The following KIF6 variants were observed in gnomAD, a reference collection of about 807,000 sequenced individuals.
The protein encoded by KIF6 is kinesin-like protein KIF6.
KIF6 carries 106 observed loss-of-function variants against 112.7 expected under a neutral mutation model. The ratio of observed to expected loss-of-function variants is 0.94; its 90% CI spans 0.80 to 1.11. The LOEUF (loss-of-function observed/expected upper bound fraction) is 1.11. Among genes scored for constraint, KIF6 ranks in the 50% least tolerant of loss-of-function variants. KIF6 has a pLI of 0.00. For missense variants in KIF6, 929 were observed against 964.0 expected (o/e 0.96, Z 0.48); for synonymous variants, 339 against 339.9 (o/e 1.00, Z 0.03).
At chr6:39,485,003 G>T (rs1330298216) in intron 13 of KIF6, among the ~76,000 whole-genome samples, 2 of 152,244 alleles carry the variant, frequency 1.3e-5, no homozygotes, top group East Asian at 1.9e-4. Context: ...GCAATTCATT[G>T]TCATCTCCCC....
chr6:39,626,305 G>A (rs1215264788), intron 5 of KIF6, among the ~76,000 whole-genome samples: 1 of 152,128 alleles, frequency 6.6e-6, no homozygotes, highest in Non-Finnish European at 1.5e-5. Flanking sequence ...TGCACCAGAT[G>A]GGGCTGAAAT....
rs1179997261 is a variant in KIF6 at position 39,454,834 on chromosome 6, C to T, written c.1646-23673G>A. 4.6e-5 allele frequency among the ~76,000 whole-genome samples: 7 copies of T among 152,250 alleles called. No individual in the cohort carries two copies. In the East Asian group the frequency reaches 7.7e-4, roughly 17 times the overall value. On this transcript the variant is annotated intron_variant, in intron 13 of 22. Transcript: ENST00000287152. Reference sequence around the variant, plus strand: ...GACCGGCTTAAAAAACGGCGCACCACGAGACTATATCCCACACCTGGCTCG... The same window carrying T: ...GACCGGCTTAAAAAACGGCGCACCATGAGACTATATCCCACACCTGGCTCG...
At chr6:39,493,198 C>A (rs1775573190) in intron 13 of KIF6, among the ~76,000 whole-genome samples, 2 of 152,190 alleles carry the variant, frequency 1.3e-5, no homozygotes, top group South Asian at 4.1e-4. Context: ...AGAAACTATT[C>A]ATGCATGATA....
intron 13 of KIF6, among the ~76,000 whole-genome samples, chr6:39,506,575 C>T (rs1285806940): frequency 2.0e-5 from 3 of 152,148 alleles, no homozygotes; most frequent in Non-Finnish European, 4.4e-5. Context: ...GTTCCTGACA[C>T]AGAGCTCCTA....
intron 15 of KIF6, among the ~76,000 whole-genome samples, chr6:39,404,836 G>A (rs1590760): frequency 6.6e-6 from 1 of 151,134 alleles, no homozygotes; most frequent in Non-Finnish European, 1.5e-5. Context: ...TGTCTTTTTT[G>A]ATTTTTTTTA....
At chr6:39,579,973 A>C (rs1272454748) in intron 9 of KIF6, among the ~76,000 whole-genome samples, 1 of 151,914 alleles carries the variant, frequency 6.6e-6, no homozygotes, top group Non-Finnish European at 1.5e-5. Context: ...TCCAAAATAG[A>C]CTTGGCTATT....
chr6:39,526,947 G>A (rs1427320913), intron 13 of KIF6, among the ~76,000 whole-genome samples: 1 of 152,182 alleles, frequency 6.6e-6, no homozygotes, highest in Non-Finnish European at 1.5e-5. Flanking sequence ...AAGCTGGAAA[G>A]AACCTTAGAA....
At chr6:39,449,121 C>T (rs1340916344) in intron 13 of KIF6, among the ~76,000 whole-genome samples, 8 of 152,186 alleles carry the variant, frequency 5.3e-5, no homozygotes, top group Admixed American at 5.2e-4. Flanking sequence ...GCCATTTCTT[C>T]TCTGGACTGT....
chr6:39,575,474 G>T (rs916299153), intron 10 of KIF6, among the ~76,000 whole-genome samples: 1 of 152,106 alleles, frequency 6.6e-6, no homozygotes, highest in East Asian at 1.9e-4. Flanking sequence ...GTTTCACCAT[G>T]TTGGCCAGGA....
At chr6:39,503,921 A>T (rs1456681960) in intron 13 of KIF6, among the ~76,000 whole-genome samples, 2 of 152,106 alleles carry the variant, frequency 1.3e-5, no homozygotes, top group Non-Finnish European at 2.9e-5. Context: ...GAATTCTCCT[A>T]GAGGTACAAA....
intron 3 of KIF6, among the ~76,000 whole-genome samples, chr6:39,641,164 A>G (rs1418825884): frequency 6.6e-6 from 1 of 152,154 alleles, no homozygotes; most frequent in Non-Finnish European, 1.5e-5. Flanking sequence ...GATATATGAT[A>G]TTTCTTGGCC....
At chr6:39,503,000 T>C (rs985464000) in intron 13 of KIF6, among the ~76,000 whole-genome samples, 15 of 152,168 alleles carry the variant, frequency 9.9e-5, no homozygotes, top group Admixed American at 2.0e-4. Context: ...CTGATAGATA[T>C]CTACAGAACT....
At chr6:39,565,259 A>ATTTACT (rs1780220733) in intron 10 of KIF6, among the ~76,000 whole-genome samples, 1 of 152,190 alleles carries the variant, frequency 6.6e-6, no homozygotes, top group Non-Finnish European at 1.5e-5. Context: ...CATTTTGTAT[A>ATTTACT]TGATCATTTA....
At chr6:39,545,545 C>T (rs1243398418) in intron 11 of KIF6, 38 bp downstream of exon 11, 2 of 1,496,512 alleles carry the variant, frequency 1.3e-6, no homozygotes, top group Non-Finnish European at 9.3e-7. Context: ...TTGAACATGG[C>T]TGAAAATGGC....
At chr6:39,704,949 GTA>G (rs1789109452) in intron 3 of KIF6, among the ~76,000 whole-genome samples, 2 of 152,230 alleles carry the variant, frequency 1.3e-5, no homozygotes, top group South Asian at 4.1e-4. Flanking sequence ...TAGGTCTCAT[GTA>G]TATGAAGCCG....
At chr6:39,570,104 T>C (rs9369128) in intron 10 of KIF6, among the ~76,000 whole-genome samples, 63,681 of 152,152 alleles carry the variant, frequency 0.42, 14,005 homozygotes, top group South Asian at 0.54. Flanking sequence ...GGTTTTATAA[T>C]ACTATGTGTT....
At chr6:39,430,716 A>G (rs906768204) in intron 14 of KIF6, among the ~76,000 whole-genome samples, 4 of 152,348 alleles carry the variant, frequency 2.6e-5, no homozygotes, top group Non-Finnish European at 4.4e-5. Context: ...AATTTGGTCC[A>G]TAGACTTTTT....
At chr6:39,520,180 A>T (rs372242025) in intron 13 of KIF6, among the ~76,000 whole-genome samples, 11 of 152,332 alleles carry the variant, frequency 7.2e-5, no homozygotes, top group African/African-American at 2.6e-4. Context: ...CACAAAAGAA[A>T]AGGGCCAGGA....
chr6:39,590,451 A>ATATATATATAT (rs1338373703), intron 7 of KIF6, among the ~76,000 whole-genome samples: 2 of 84,776 alleles, frequency 2.4e-5, no homozygotes, highest in African/African-American at 1.0e-4. Context: ...ATATATATAT[A>ATATATATATAT]TTTTTTTTTT....
Sources: gnomAD v4.1 joint callset for allele counts (sites outside exome capture counted in the v4.1 genomes callset) on GRCh38, gnomAD v4.1.1 for gene constraint, MANE v1.5 for transcripts, NCBI Gene and HGNC (gene_info 2026-07-23, HGNC 2026-07-21) for gene names.